SERPINA12: variants seen among roughly 807,000 people sequenced by gnomAD.
SERPINA12 encodes the protein serpin A12.
Under a neutral mutation model 25.9 loss-of-function variants are expected in SERPINA12, and 21 were observed. The observed-to-expected ratio is 0.81, with a 90% CI of 0.58 to 1.17. SERPINA12 has a LOEUF of 1.17. Ranked by LOEUF, SERPINA12 falls within the 50% of genes most tolerant of loss-of-function variation. SERPINA12 has a pLI of 0.00. For synonymous variants in SERPINA12, 220 were observed against 196.0 expected, an observed-to-expected ratio of 1.12 and a Z score of -1.02; for missense variants, 562 against 508.3, an observed-to-expected ratio of 1.11 and a Z score of -1.02.
At chr14:94,509,223 C>G (rs1177314512) in intron 1 of SERPINA12, among the ~76,000 whole-genome samples, 119 bp downstream of exon 1, 1 of 151,528 alleles carries the variant, frequency 6.6e-6, no homozygotes, top group Non-Finnish European at 1.5e-5. Flanking sequence ...GAATGTCTGT[C>G]TATTTGAGTG....
chr14:94,511,532 G>A, upstream of SERPINA12: 2 of 985,370 alleles, frequency 2.0e-6, no homozygotes, highest in Non-Finnish European at 2.4e-6. Flanking sequence ...CTGGCTCCTG[G>A]GATGGCTCAC....
At chr14:94,490,334 A>G (rs900697418) in intron 3 of SERPINA12, among the ~76,000 whole-genome samples, 8 of 152,070 alleles carry the variant, frequency 5.3e-5, no homozygotes, top group African/African-American at 1.9e-4. Flanking sequence ...GCAGGTGCCC[A>G]TCCTCCTGCC....
At chr14:94,510,079 T>C (rs949613160), upstream of SERPINA12, 8 of 985,404 alleles carry the variant, frequency 8.1e-6, no homozygotes, top group African/African-American at 1.2e-4. Flanking sequence ...GCCTGTGGTC[T>C]GGGTACCAGA....
chr14:94,495,217 C>T (rs965974907), intron 3 of SERPINA12, among the ~76,000 whole-genome samples: 13 of 151,018 alleles, frequency 8.6e-5, no homozygotes, highest in South Asian at 2.1e-4. Context: ...TACAGGCGCC[C>T]GCCACTACGC....
intron 2 of SERPINA12, among the ~76,000 whole-genome samples, chr14:94,497,390 T>G (rs1900478048): frequency 6.6e-6 from 1 of 152,234 alleles, no homozygotes. Context: ...TGTGTTCCAG[T>G]CCTGACTGTC....
Position 94,487,325 on chromosome 14 carries a change from A to G in SERPINA12, c.1223T>C (p.Ile408Thr), listed in dbSNP as rs371939249. 9.3e-5 allele frequency: 150 copies of G among 1,613,858 alleles called. 2 individuals are homozygous for G. The highest frequency in any genetic ancestry group is 1.3e-4 in the South Asian group (12 of 91,042). Reference protein sequence around the residue: ...KIPSVLFLGKIVNPIGK With the variant: ...KIPSVLFLGKTVNPIGK Reference sequence around the variant, plus strand: ...CCTTTATTTTCCAATAGGGTTAACAATCTTTCCCAGGAAGAGCACGGAAGG... The same window carrying G: ...CCTTTATTTTCCAATAGGGTTAACAGTCTTTCCCAGGAAGAGCACGGAAGG... Residue 408 changes from isoleucine (I) to threonine (T), a missense_variant, in exon 5 of 5, where the codon ATT becomes ACT. By Grantham distance (89) the Ile-to-Thr change is moderately conservative. Coordinates refer to ENST00000677451, the MANE Select transcript of SERPINA12 (RefSeq NM_001382267.1).
intron 3 of SERPINA12, among the ~76,000 whole-genome samples, chr14:94,495,350 G>T (rs375222366): frequency 1.7e-4 from 26 of 152,128 alleles, no homozygotes; most frequent in Admixed American, 5.2e-4. Context: ...TTACAGGCGT[G>T]AGCCACCGCG....
chr14:94,499,820 C>T (rs1900635255), intron 1 of SERPINA12, among the ~76,000 whole-genome samples: 1 of 152,232 alleles, frequency 6.6e-6, no homozygotes, highest in Non-Finnish European at 1.5e-5. Context: ...GAGGGCTCTC[C>T]AGGCTGGCCT....
rs370602671 is a variant in SERPINA12 at position 94,489,610 on chromosome 14, G to A, written c.1053+10C>T. On this transcript the variant is annotated intron_variant, in intron 4 of 4. Coordinates refer to ENST00000677451, the MANE Select transcript of SERPINA12 (RefSeq NM_001382267.1). ...CTGCAGGGAGTGGAGTCCAGGCTAG[G>A]CAGGCTTACCTCGCCCACTTTCAGG... The A allele has an allele frequency of 6.2e-7, 1 of 1,613,416 alleles. No individual in the cohort carries two copies. Among genetic ancestry groups the A allele is most frequent in the Admixed American group, 1.7e-5 (1 of 59,982 alleles).
At position 94,500,684 on chromosome 14, in the gene SERPINA12, C is replaced by T. The variant is rs150034236; in HGVS notation, c.-33-2254G>A. ...AGGCAGGGACTAACAGCAACTTTGC[C>T]CCGTGAGGGAAGTGACTCTAAGACA... On this transcript the variant is annotated intron_variant, in intron 1 of 4. Transcript: ENST00000677451. Among the ~76,000 whole-genome samples, 1,312 of 152,182 alleles carry T rather than the reference C, an allele frequency of 8.6e-3. 13 individuals carry two copies. The highest frequency in any genetic ancestry group is 0.044 in the Middle Eastern group (13 of 294).
In SERPINA12 at chr14:94,489,772, G is replaced by A; in HGVS notation, c.906-5C>T. ...GGTACAGACACGTCTACGACCCTGG[G>A]GAATTGACACGACAAGGGTGAGTGG... On this transcript the variant is annotated splice_region_variant and splice_polypyrimidine_tract_variant and intron_variant, in intron 3 of 4. Coordinates refer to ENST00000677451, the MANE Select transcript of SERPINA12 (RefSeq NM_001382267.1). 3 of 1,613,644 alleles carry A rather than the reference G, an allele frequency of 1.9e-6. 1 individual carries two copies. The highest frequency in any genetic ancestry group is 2.2e-5 in the South Asian group (2 of 91,016).
intron 4 of SERPINA12, 56 bp downstream of exon 4, chr14:94,489,564 G>C: frequency 6.3e-7 from 1 of 1,583,384 alleles, no homozygotes; most frequent in Non-Finnish European, 8.6e-7. Context: ...CTCTGGCCCC[G>C]GCTGGGGGAA....
chr14:94,492,693 G>A (rs1164109220), intron 3 of SERPINA12, among the ~76,000 whole-genome samples: 5 of 152,340 alleles, frequency 3.3e-5, no homozygotes, highest in Admixed American at 2.0e-4. Flanking sequence ...TTGTGCCAAC[G>A]TGGGAAGGCA....
chr14:94,504,348 T>A (rs547037864), intron 1 of SERPINA12: 116 of 152,348 alleles, frequency 7.6e-4, no homozygotes, highest in African/African-American at 2.7e-3. Context: ...CCCACTGGGC[T>A]GTGGCTTCCC....
intron 1 of SERPINA12, chr14:94,501,059 A>G: frequency 1.0e-6 from 1 of 985,432 alleles, no homozygotes; most frequent in East Asian, 1.1e-4. Context: ...GTGATGAACA[A>G]GGGCTCTATG....
intron 3 of SERPINA12, among the ~76,000 whole-genome samples, chr14:94,495,513 G>A (rs1221395087): frequency 6.6e-6 from 1 of 152,204 alleles, no homozygotes; most frequent in Non-Finnish European, 1.5e-5. Flanking sequence ...AGCATCATCT[G>A]TACCTCTCTT....
intron 1 of SERPINA12, among the ~76,000 whole-genome samples, chr14:94,507,601 G>A (rs1027555770): frequency 3.9e-5 from 6 of 152,270 alleles, no homozygotes; most frequent in Non-Finnish European, 5.9e-5. Context: ...AAAGGTGCTC[G>A]ACATCATTAA....
upstream of SERPINA12, among the ~76,000 whole-genome samples, chr14:94,512,087 C>T (rs1048879399): frequency 6.7e-6 from 1 of 150,082 alleles, no homozygotes; most frequent in Non-Finnish European, 1.5e-5. Flanking sequence ...GACAGTGATA[C>T]TCCATCTCAA....
At chr14:94,502,562 C>A (rs1185185755) in intron 1 of SERPINA12, among the ~76,000 whole-genome samples, 1 of 152,352 alleles carries the variant, frequency 6.6e-6, no homozygotes, top group Non-Finnish European at 1.5e-5. Flanking sequence ...TACAGAAGGT[C>A]TACTCAGTGC....
Sources: gnomAD v4.1 joint callset for allele counts (sites outside exome capture counted in the v4.1 genomes callset) on GRCh38, gnomAD v4.1.1 for gene constraint, MANE v1.5 for transcripts, NCBI Gene and HGNC (gene_info 2026-07-23, HGNC 2026-07-21) for gene names.